ALG5: variants seen among roughly 807,000 people sequenced by gnomAD.
ALG5 encodes ALG5 dolichyl-phosphate beta-glucosyltransferase, also known as dolichyl-phosphate beta-glucosyltransferase.
ALG5 carries 26 observed loss-of-function variants against 51.8 expected under a neutral mutation model. The ratio of observed to expected loss-of-function variants is 0.50; its 90% CI spans 0.37 to 0.70. ALG5 has a LOEUF of 0.70. ALG5 is among the 30% of genes least tolerant of loss of function. The pLI, the probability that ALG5 is intolerant of heterozygous loss-of-function variation, is 0.00. For missense variants in ALG5, 311 were observed against 399.3 expected, an observed-to-expected ratio of 0.78 and a Z score of 1.88; for synonymous variants, 141 against 136.1, an observed-to-expected ratio of 1.04 and a Z score of -0.25.
In ALG5 at chr13:36,995,433, T is replaced by G; in HGVS notation, c.230A>C (p.Glu77Ala). ...ATCAAAACAGGGCTTACACCGTTTT[T>G]CTTCATTGTATGAAGGCACAACGAC... ...LSVVVPSYNE[E>A]KRLPVMMDEA... Residue 77 changes from glutamate to alanine, a missense_variant, in exon 2 of 10, where the codon GAA (glutamate) becomes GCA (alanine). Coordinates refer to ENST00000239891, the MANE Select transcript of ALG5 (RefSeq NM_013338.5). The G allele has an allele frequency of 6.2e-7, 1 of 1,608,926 alleles. No individual in the cohort carries two copies. The highest frequency in any genetic ancestry group is 8.5e-7 in the Non-Finnish European group (1 of 1,178,832).
chr13:36,983,571 T>TAA (rs5802849), intron 6 of ALG5, among the ~76,000 whole-genome samples: 212 of 145,724 alleles, frequency 1.5e-3, no homozygotes, highest in Middle Eastern at 3.6e-3. Context: ...TTATCTCCTT[T>TAA]AAAAAAAAAA....
intron 4 of ALG5, among the ~76,000 whole-genome samples, chr13:36,991,249 A>G (rs2059024113): frequency 6.6e-6 from 1 of 152,056 alleles, no homozygotes; most frequent in Non-Finnish European, 1.5e-5. Flanking sequence ...TCAGCCAAAC[A>G]CCATTTCTCT....
chr13:36,955,676 CAG>C (rs930605420), intron 8 of ALG5, among the ~76,000 whole-genome samples: 1 of 41,568 alleles, frequency 2.4e-5, no homozygotes, highest in African/African-American at 9.8e-5. Context: ...AGAAAATGAA[CAG>C]AGATTGTGAA....
chr13:36,978,988 T>G (rs1280350055), intron 6 of ALG5, among the ~76,000 whole-genome samples: 1 of 151,864 alleles, frequency 6.6e-6, no homozygotes, highest in Non-Finnish European at 1.5e-5. Flanking sequence ...GGTTGAGTGC[T>G]GAACACATGC....
chr13:36,970,015 T>C (rs1194053932), intron 7 of ALG5, among the ~76,000 whole-genome samples: 3 of 150,102 alleles, frequency 2.0e-5, no homozygotes, highest in South Asian at 2.1e-4. Context: ...TAGTATTTAA[T>C]AGTTTCTACT....
At chr13:36,960,497 A>C (rs1208829203) in intron 8 of ALG5, among the ~76,000 whole-genome samples, 1 of 152,078 alleles carries the variant, frequency 6.6e-6, no homozygotes, top group East Asian at 1.9e-4. Context: ...AGCAAAGTTC[A>C]TTTCAAAGAA....
At chr13:36,986,761 C>CA (rs2059003761) in intron 5 of ALG5, among the ~76,000 whole-genome samples, 1 of 151,896 alleles carries the variant, frequency 6.6e-6, no homozygotes, top group African/African-American at 2.4e-5. Context: ...TCCATCTCTA[C>CA]AAAAAAATTT....
chr13:36,990,423 G>A (rs984250861), intron 4 of ALG5, among the ~76,000 whole-genome samples: 4 of 152,164 alleles, frequency 2.6e-5, no homozygotes, highest in African/African-American at 9.7e-5. Context: ...CTGTTCCCAA[G>A]TTTTCACCAA....
chr13:36,987,203 T>G (rs1486124968), intron 5 of ALG5, among the ~76,000 whole-genome samples: 1 of 152,218 alleles, frequency 6.6e-6, no homozygotes, highest in Non-Finnish European at 1.5e-5. Context: ...TGTTTCAAAC[T>G]TAACATGGCT....
intron 6 of ALG5, among the ~76,000 whole-genome samples, chr13:36,975,179 C>T (rs2058944789): frequency 6.6e-6 from 1 of 152,170 alleles, no homozygotes; most frequent in East Asian, 1.9e-4. Flanking sequence ...CCATTGCATC[C>T]CAGCCTGGGC....
chr13:36,965,878 G>A, intron 7 of ALG5, 152 bp from the exon 8 acceptor site: 1 of 637,526 alleles, frequency 1.6e-6, no homozygotes, highest in South Asian at 2.5e-5. Flanking sequence ...CACCAACAAA[G>A]TATATTAAAG....
chr13:36,969,524 T>A (rs911374886), intron 7 of ALG5, among the ~76,000 whole-genome samples: 44 of 151,808 alleles, frequency 2.9e-4, no homozygotes, highest in African/African-American at 1.1e-3. Context: ...TTATTTATTT[T>A]ATTTATTTAT....
intron 6 of ALG5, among the ~76,000 whole-genome samples, chr13:36,984,006 A>G (rs2058991094): frequency 6.6e-6 from 1 of 152,004 alleles, no homozygotes; most frequent in African/African-American, 2.4e-5. Flanking sequence ...ATAAATATGT[A>G]ATAATATTCA....
At chr13:36,993,699 C>T (rs1397569596) in intron 3 of ALG5, 27 bp from the exon 4 acceptor site, 2 of 1,597,222 alleles carry the variant, frequency 1.3e-6, no homozygotes, top group Non-Finnish European at 1.7e-6. Context: ...TAAAGTAATA[C>T]AATTTGGCAT....
intron 8 of ALG5, among the ~76,000 whole-genome samples, chr13:36,953,705 G>GT (rs1566055916): frequency 6.6e-6 from 1 of 151,954 alleles, no homozygotes; most frequent in African/African-American, 2.4e-5. Context: ...AGATTTTTTG[G>GT]TTTTTTGCCA....
At chr13:36,961,499 G>A (rs1187336126) in intron 8 of ALG5, among the ~76,000 whole-genome samples, 1 of 152,156 alleles carries the variant, frequency 6.6e-6, no homozygotes, top group African/African-American at 2.4e-5. Context: ...GTATATGAGA[G>A]TATGTGCATA....
At chr13:36,985,509 A>T (rs780119195) in intron 6 of ALG5, 118 bp downstream of exon 6, 1 of 684,496 alleles carries the variant, frequency 1.5e-6, no homozygotes, top group African/African-American at 1.8e-5. Flanking sequence ...CATTTGTATA[A>T]GGATTTCATA....
intron 7 of ALG5, among the ~76,000 whole-genome samples, chr13:36,967,006 T>C (rs1353047929): frequency 6.6e-6 from 1 of 151,906 alleles, no homozygotes; most frequent in Admixed American, 6.6e-5. Context: ...GTGGATTGCT[T>C]GAGGTCAGGG....
At chr13:36,997,466 C>CAAAAAAAAAAA (rs57878611) in intron 1 of ALG5, among the ~76,000 whole-genome samples, 1 of 78,130 alleles carries the variant, frequency 1.3e-5, no homozygotes, top group African/African-American at 4.9e-5. Context: ...GACTCCGTCT[C>CAAAAAAAAAAA]AAAAAAAAAA....
Sources: gnomAD v4.1 joint callset for allele counts (sites outside exome capture counted in the v4.1 genomes callset) on GRCh38, gnomAD v4.1.1 for gene constraint, MANE v1.5 for transcripts, NCBI Gene and HGNC (gene_info 2026-07-23, HGNC 2026-07-21) for gene names.